Variants in NUDC observed in about 807,000 individuals in gnomAD.
The protein encoded by NUDC is nuclear distribution C, dynein complex regulator, also known as nuclear migration protein nudC.
In NUDC, 14 loss-of-function variants were observed where a neutral mutation model predicts 45.0. The observed-to-expected ratio is 0.31, with a 90% CI of 0.21 to 0.49. The LOEUF (loss-of-function observed/expected upper bound fraction) is 0.49. Among genes scored for constraint, NUDC ranks in the 20% least tolerant of loss-of-function variants. The probability of loss-of-function intolerance (pLI) is 0.99; values close to 1 mark genes in which losing one functional copy is unlikely to be tolerated. For synonymous variants in NUDC, 153 were observed against 156.7 expected (o/e 0.98, Z 0.17); for missense variants, 323 against 426.2 (o/e 0.76, Z 2.13).
intron 6 of NUDC, 37 bp downstream of exon 6, chr1:26,943,102 A>T (rs1285897365): frequency 6.2e-7 from 1 of 1,608,158 alleles, no homozygotes; most frequent in Non-Finnish European, 8.5e-7. Flanking sequence ...TGGGGTGTTG[A>T]TGGAAGTAGA....
chr1:26,934,658 A>G (rs12727590), intron 2 of NUDC, among the ~76,000 whole-genome samples: 20,788 of 150,824 alleles, frequency 0.14, 1,675 homozygotes, highest in Non-Finnish European at 0.18. Context: ...TATAAAGGAC[A>G]GAGGTTTTTT....
At chr1:26,926,385 G>A (rs1044058895) in intron 2 of NUDC, among the ~76,000 whole-genome samples, 8 of 152,102 alleles carry the variant, frequency 5.3e-5, no homozygotes, top group Non-Finnish European at 1.2e-4. Flanking sequence ...TCACCTAGTC[G>A]AGTTCCCAGC....
chr1:26,944,423 C>T (rs1430328817), intron 6 of NUDC, among the ~76,000 whole-genome samples: 1 of 152,136 alleles, frequency 6.6e-6, no homozygotes, highest in Non-Finnish European at 1.5e-5. Context: ...GTCTGAAACT[C>T]CTGGGCTCAA....
chr1:26,905,381 G>A (rs1263886105), intron 2 of NUDC, among the ~76,000 whole-genome samples: 2 of 150,946 alleles, frequency 1.3e-5, no homozygotes, highest in African/African-American at 4.9e-5. Flanking sequence ...GGCTGGTCTC[G>A]AACTCCAGAC....
chr1:26,912,383 C>T (rs1259168133), intron 3 of NUDC, among the ~76,000 whole-genome samples: 1 of 152,140 alleles, frequency 6.6e-6, no homozygotes. Flanking sequence ...GTCACTTAAT[C>T]TCTGGGCTTC....
chr1:26,932,474 C>T (rs879456607), intron 2 of NUDC, among the ~76,000 whole-genome samples: 2 of 151,900 alleles, frequency 1.3e-5, no homozygotes, highest in African/African-American at 2.4e-5. Flanking sequence ...CCACTGCGCC[C>T]GGCCCCCAGC....
In NUDC at chr1:26,942,777, G is replaced by C; in HGVS notation, c.546+1G>C. 4 of 1,614,124 alleles carry C rather than the reference G, an allele frequency of 2.5e-6. No individual in the cohort carries two copies. The highest frequency in any genetic ancestry group is 2.2e-5 in the East Asian group (1 of 44,892). ...GACCCAGACCCTGTCGGAGCTGGAC[G>C]TGAGTGTCAGGGACCAGAGGTAAAG... is the stretch of plus-strand genomic sequence containing the variant. On this transcript the variant is annotated splice_donor_variant, in intron 5 of 8. Coordinates refer to ENST00000321265, the MANE Select transcript of NUDC (RefSeq NM_006600.4). LOFTEE classifies it high-confidence loss of function.
upstream of NUDC, among the ~76,000 whole-genome samples, chr1:26,920,916 G>A (rs2082087266): frequency 6.6e-6 from 1 of 152,148 alleles, no homozygotes. Flanking sequence ...TCCAGCTTGG[G>A]TGACAATGCA....
chr1:26,903,634 G>A lies in NUDC; in HGVS notation c.-16+1268G>A, dbSNP rs1055179172. ...TCTAATCCCATCGCTTTGAGAGGCC[G>A]AGGCAGAAGGATTGCTTGAGGCCAG... On this transcript the variant is annotated intron_variant, in intron 2 of 6. Transcript: ENST00000435827. Among the ~76,000 whole-genome samples, 5 of 152,100 alleles carry A rather than the reference G, an allele frequency of 3.3e-5. No homozygotes were observed. The East Asian group carries it at 7.7e-4, about 23-fold the overall frequency.
At chr1:26,908,225 T>C (rs2082010747) in intron 2 of NUDC, among the ~76,000 whole-genome samples, 1 of 151,638 alleles carries the variant, frequency 6.6e-6, no homozygotes, top group South Asian at 2.1e-4. Flanking sequence ...GCCCAGACCT[T>C]AAGTTACATA....
Position 26,942,713 on chromosome 1 carries a change from C to A in NUDC, c.483C>A (p.Pro161=). The part of the protein sequence containing the change: ...EDEKDKGKLK[P]NLGNGADLPN... ...AGAAGGACAAAGGAAAACTGAAGCC[C>A]AACCTAGGCAACGGGGCAGACCTGC... is the stretch of plus-strand genomic sequence containing the variant. Residue 161 remains proline, a synonymous_variant, in exon 5 of 9, where the codon CCC becomes CCA. Transcript: ENST00000321265. 1.2e-6 allele frequency: 2 copies of A among 1,614,214 alleles called. No individual in the cohort carries two copies. Among genetic ancestry groups the A allele is most frequent in the Non-Finnish European group, 1.7e-6 (2 of 1,180,040 alleles).
chr1:26,900,172 T>G (rs764084567), upstream of NUDC: 2 of 1,612,720 alleles, frequency 1.2e-6, no homozygotes, highest in Middle Eastern at 3.3e-4. Flanking sequence ...GAGTCTCGAG[T>G]GGAGAGAGGC....
intron 2 of NUDC, among the ~76,000 whole-genome samples, chr1:26,905,081 G>C (rs1014809449): frequency 3.4e-5 from 5 of 148,604 alleles, no homozygotes; most frequent in Non-Finnish European, 7.4e-5. Context: ...TAGATGATCC[G>C]CCCACCTCGG....
At chr1:26,918,137 A>C (rs1482645223), upstream of NUDC, among the ~76,000 whole-genome samples, 1 of 150,712 alleles carries the variant, frequency 6.6e-6, no homozygotes, top group Non-Finnish European at 1.5e-5. Flanking sequence ...TGTCTTTCAC[A>C]CCGAGGAATC....
chr1:26,927,041 AC>A (rs1334007465), intron 2 of NUDC, among the ~76,000 whole-genome samples: 2 of 152,216 alleles, frequency 1.3e-5, no homozygotes, highest in Non-Finnish European at 1.5e-5. Context: ...AATAAAAAAA[AC>A]AAGCAGTGAA....
intron 3 of NUDC, chr1:26,913,337 C>G: frequency 1.4e-6 from 2 of 1,402,682 alleles, no homozygotes; most frequent in Non-Finnish European, 2.0e-6. Context: ...ATATCAAACC[C>G]TTAGAAGCTA....
At chr1:26,904,869 T>C (rs538866161) in intron 2 of NUDC, among the ~76,000 whole-genome samples, 1 of 149,688 alleles carries the variant, frequency 6.7e-6, no homozygotes, top group South Asian at 2.1e-4. Flanking sequence ...TTTTTTTTTC[T>C]GAGACAGAGT....
Position 26,942,776 on chromosome 1 carries a change from CGTGA to C in NUDC, c.546+4_546+7del, listed in dbSNP as rs1557681483. 2 of 1,614,096 alleles carry C rather than the reference CGTGA, an allele frequency of 1.2e-6. No homozygotes were observed. The highest frequency in any genetic ancestry group is 2.7e-5 in the African/African-American group (2 of 74,924). ...GGACCCAGACCCTGTCGGAGCTGGA[CGTGA>C]GTGTCAGGGACCAGAGGTAAAGCTT... is the stretch of plus-strand genomic sequence containing the variant. On this transcript the variant is annotated splice_donor_variant and splice_donor_region_variant and intron_variant, in intron 5 of 8. Transcript: ENST00000321265. LOFTEE classifies it high-confidence loss of function.
chr1:26,903,737 G>A (rs996751231), intron 2 of NUDC, among the ~76,000 whole-genome samples: 6 of 151,998 alleles, frequency 3.9e-5, no homozygotes, highest in Admixed American at 1.3e-4. Flanking sequence ...TAAGCCGGGC[G>A]CGGTGGCTCA....
Sources: gnomAD v4.1 joint callset for allele counts (sites outside exome capture counted in the v4.1 genomes callset) on GRCh38, gnomAD v4.1.1 for gene constraint, MANE v1.5 for transcripts, NCBI Gene and HGNC (gene_info 2026-07-23, HGNC 2026-07-21) for gene names.